Variants in DMD observed in about 807,000 individuals in gnomAD.
DMD encodes dystrophin, also known as mutant dystrophin.
DMD carries 63 observed loss-of-function variants against 330.1 expected under a neutral mutation model. The observed-to-expected ratio is 0.19, with a 90% CI of 0.16 to 0.24. The LOEUF is 0.24. Among genes scored for constraint, DMD ranks in the 10% least tolerant of loss-of-function variants. The probability of loss-of-function intolerance (pLI) is 1.00; values close to 1 mark genes in which losing one functional copy is unlikely to be tolerated. For missense variants in DMD, 3,344 were observed against 2,684.1 expected (o/e 1.25, Z -5.43); for synonymous variants, 1,223 against 959.8 (o/e 1.27, Z -5.07).
At chrX:31,350,616 TGTGTGTGTGTGTGTGTGAGAGAGAGA>T (rs758085348) in intron 60 of DMD, among the ~76,000 whole-genome samples, 1,142 of 49,423 alleles carry the variant, frequency 0.023, 15 homozygotes, top group African/African-American at 0.077. Flanking sequence ...TGTGTGTGTG[TGTGTGTGTGTGTGTGTGAGAGAGAGA>T]GAGAGAGAGA....
chrX:31,619,688 C>T (rs1209248117), intron 55 of DMD, among the ~76,000 whole-genome samples: 3 of 111,933 alleles, frequency 2.7e-5, no homozygotes, highest in African/African-American at 9.7e-5. Context: ...TATAAAATTA[C>T]AAAATCCAAT....
intron 1 of DMD, among the ~76,000 whole-genome samples, chrX:33,049,905 A>T (rs2094436579): frequency 8.9e-6 from 1 of 111,851 alleles, no homozygotes; most frequent in Admixed American, 9.5e-5. Context: ...TAGTTCTCAA[A>T]TTGGTTCAAT....
intron 42 of DMD, among the ~76,000 whole-genome samples, chrX:32,306,333 A>G (rs748991021): frequency 1.3e-4 from 15 of 111,123 alleles, no homozygotes; most frequent in Admixed American, 9.6e-5. Flanking sequence ...CCTGAACTCA[A>G]GAGGACTTGA....
intron 64 of DMD, among the ~76,000 whole-genome samples, chrX:31,220,941 G>A (rs2045962801): frequency 1.2e-5 from 1 of 82,195 alleles, no homozygotes; most frequent in Non-Finnish European, 2.2e-5. Flanking sequence ...GCTACCGTTA[G>A]CGTTAGTGTA....
intron 43 of DMD, among the ~76,000 whole-genome samples, chrX:32,234,365 C>T (rs2097180070): frequency 9.0e-6 from 1 of 111,294 alleles, no homozygotes; most frequent in African/African-American, 3.3e-5. Flanking sequence ...TGACATTTGA[C>T]ATTTAAAAAT....
intron 60 of DMD, among the ~76,000 whole-genome samples, chrX:31,375,465 A>T (rs1356302961): frequency 9.0e-6 from 1 of 111,342 alleles, no homozygotes; most frequent in Admixed American, 9.6e-5. Context: ...TAATCTGTGA[A>T]AGGGAAAAAA....
chrX:32,484,873 C>CTTGA, intron 21 of DMD, 46 bp downstream of exon 21: 5 of 1,167,410 alleles, frequency 4.3e-6, no homozygotes, highest in Non-Finnish European at 5.8e-6. Flanking sequence ...CCACAAATAA[C>CTTGA]CATTTTGGAA....
At chrX:32,467,634 A>ATG (rs3044996) in intron 23 of DMD, among the ~76,000 whole-genome samples, 1 of 31,534 alleles carries the variant, frequency 3.2e-5, no homozygotes, top group East Asian at 1.5e-3. Context: ...TTATACACGT[A>ATG]TATATATATA....
chrX:32,968,873 C>G (rs905297995), intron 2 of DMD, among the ~76,000 whole-genome samples: 2 of 106,493 alleles, frequency 1.9e-5, no homozygotes, highest in Non-Finnish European at 3.9e-5. Context: ...ACTAAAAATA[C>G]AAAAAATTAG....
intron 1 of DMD, among the ~76,000 whole-genome samples, chrX:33,032,755 A>T (rs1323980197): frequency 8.9e-6 from 1 of 112,519 alleles, no homozygotes; most frequent in Non-Finnish European, 1.9e-5. Context: ...AAGGAAATGC[A>T]GTGAGTTATT....
chrX:32,499,876 T>G (rs1362497302), intron 19 of DMD, among the ~76,000 whole-genome samples: 1 of 111,275 alleles, frequency 9.0e-6, no homozygotes, highest in African/African-American at 3.3e-5. Flanking sequence ...AAAATAAATA[T>G]TATGCAATTT....
intron 18 of DMD, among the ~76,000 whole-genome samples, chrX:32,512,082 A>G (rs1215808370): frequency 1.8e-5 from 2 of 112,065 alleles, no homozygotes; most frequent in African/African-American, 6.5e-5. Context: ...ATAAAAGGCA[A>G]CTAAGTTATA....
At chrX:33,268,599 AC>A (rs776825397) in intron 1 of DMD, among the ~76,000 whole-genome samples, 10 of 112,018 alleles carry the variant, frequency 8.9e-5, no homozygotes, top group Non-Finnish European at 1.5e-4. Flanking sequence ...ACAATGAGAT[AC>A]CATCTCACAC....
intron 13 of DMD, among the ~76,000 whole-genome samples, chrX:32,586,087 A>G (rs2054264254): frequency 9.0e-6 from 1 of 111,488 alleles, no homozygotes; most frequent in Admixed American, 9.6e-5. Flanking sequence ...TGAAAAAACA[A>G]TGCACATATC....
intron 67 of DMD, among the ~76,000 whole-genome samples, chrX:31,187,716 TCAGAGAGAGAGAGAGAGAGA>T (rs1482685906): frequency 1.8e-3 from 138 of 76,618 alleles, no homozygotes; most frequent in African/African-American, 6.1e-3. Flanking sequence ...TCCCAGATTC[TCAGAGAGAGAGAGAGAGAGA>T]GAGAGAGAGA....
At chrX:32,967,652 G>C (rs762358048) in intron 2 of DMD, among the ~76,000 whole-genome samples, 117 of 111,498 alleles carry the variant, frequency 1.0e-3, no homozygotes, top group Non-Finnish European at 1.6e-3. Context: ...AGCGCTGAAA[G>C]GGTACGGACA....
chrX:32,758,631 G>A (rs760778153), intron 7 of DMD, among the ~76,000 whole-genome samples: 1 of 111,574 alleles, frequency 9.0e-6, no homozygotes, highest in Non-Finnish European at 1.9e-5. Flanking sequence ...ATAAAGGCAA[G>A]AATCTCAGAC....
intron 17 of DMD, among the ~76,000 whole-genome samples, chrX:32,539,526 A>C (rs1440729166): frequency 1.8e-5 from 2 of 111,632 alleles, no homozygotes; most frequent in Non-Finnish European, 3.8e-5. Flanking sequence ...ATTAAAAAAA[A>C]AAAGTTCACG....
At chrX:33,212,897 A>G (rs1262875956), upstream of DMD, among the ~76,000 whole-genome samples, 3 of 111,791 alleles carry the variant, frequency 2.7e-5, no homozygotes, top group Non-Finnish European at 5.6e-5. Context: ...TTTGGCTCTA[A>G]GTCTGCATGT....
Sources: allele counts gnomAD v4.1 joint callset (sites outside exome capture counted in the v4.1 genomes callset), GRCh38; gene constraint gnomAD v4.1.1; transcripts MANE v1.5; gene names NCBI Gene and HGNC (gene_info 2026-07-23, HGNC 2026-07-21).